Variants in SLC5A1 observed in about 807,000 individuals in gnomAD.
SLC5A1 encodes the protein sodium/glucose cotransporter 1.
SLC5A1 carries 42 observed loss-of-function variants against 73.5 expected under a neutral mutation model. The observed-to-expected ratio is 0.57, with a 90% CI of 0.45 to 0.74. SLC5A1 has a LOEUF of 0.74. Ranked by LOEUF, SLC5A1 falls within the 30% of genes least tolerant of loss-of-function variation. SLC5A1 has a pLI of 0.00. For missense variants in SLC5A1, 634 were observed against 855.4 expected, an observed-to-expected ratio of 0.74 and a Z score of 3.23; for synonymous variants, 300 against 317.4, an observed-to-expected ratio of 0.95 and a Z score of 0.58.
chr22:32,083,977 G>C (rs2094003976), intron 7 of SLC5A1, among the ~76,000 whole-genome samples: 1 of 152,216 alleles, frequency 6.6e-6, no homozygotes, highest in South Asian at 2.1e-4. Flanking sequence ...CCCACCACAT[G>C]CTGGGTCCAG....
At chr22:32,077,207 T>C (rs1246654915) in intron 5 of SLC5A1, among the ~76,000 whole-genome samples, 2 of 151,666 alleles carry the variant, frequency 1.3e-5, no homozygotes, top group Admixed American at 6.6e-5. Flanking sequence ...CCTTTCCCTC[T>C]TTCCTTCCTT....
intron 2 of SLC5A1, among the ~76,000 whole-genome samples, chr22:32,062,083 G>C (rs2093964082): frequency 6.6e-6 from 1 of 152,168 alleles, no homozygotes; most frequent in African/African-American, 2.4e-5. Context: ...GGTGGAAGCA[G>C]GACTGATGGG....
chr22:32,103,436 T>A, intron 13 of SLC5A1, among the ~76,000 whole-genome samples: 1 of 152,338 alleles, frequency 6.6e-6, no homozygotes, highest in Middle Eastern at 3.4e-3. Context: ...GGAAACATGG[T>A]GTGCCAACAG....
Position 32,091,673 on chromosome 22 carries a change from C to A in SLC5A1, c.1191C>A (p.Ile397=). The change falls in exon 11 of 15, where the codon ATC becomes ATA. Residue 397 remains isoleucine (I), a synonymous_variant. Transcript: ENST00000266088. The part of the protein sequence containing the change: ...LASLMSSLTS[I]FNSASTLFTM... The stretch of plus-strand genomic sequence containing the variant: ...CCCTCATGAGCTCCCTGACCTCCAT[C>A]TTCAACAGCGCCAGCACCCTCTTCA... 1 of 1,614,168 alleles carries A rather than the reference C, an allele frequency of 6.2e-7. No individual in the cohort carries two copies. The highest frequency in any genetic ancestry group is 8.5e-7 in the Non-Finnish European group (1 of 1,180,022).
At chr22:32,068,084 C>A (rs2093977019) in intron 4 of SLC5A1, 58 bp downstream of exon 4, 1 of 1,523,544 alleles carries the variant, frequency 6.6e-7, no homozygotes, top group Non-Finnish European at 9.1e-7. Flanking sequence ...TCAGCTTGGT[C>A]TTCCTAGAGG....
At position 32,059,046 on chromosome 22, in the gene SLC5A1, A is replaced by C. The variant is rs554033942; in HGVS notation, c.208-7889A>C. The C allele has an allele frequency of 5.3e-6, 5 of 936,600 alleles. No homozygotes were observed. In the East Asian group the frequency reaches 5.8e-4, roughly 109 times the overall value. The allele number at this position is 936,600 out of a possible 1,614,324, so 58.0% of individuals were successfully genotyped here. A position where few individuals can be genotyped will look rare whatever the true frequency, so the allele number is the denominator to read the frequency against. On this transcript the variant is annotated intron_variant, in intron 2 of 14. Transcript: ENST00000266088. Reference sequence around the variant, plus strand: ...TCACTTACTCACTCAGCAGATCTTTACTGAGTCCTTGCCATGTGCAAAGAA... The same window carrying C: ...TCACTTACTCACTCAGCAGATCTTTCCTGAGTCCTTGCCATGTGCAAAGAA...
In SLC5A1 at chr22:32,084,959, C is replaced by G. The variant is rs1425935666; in HGVS notation, c.945C>G (p.Ile315Met). The G allele has an allele frequency of 1.2e-6, 2 of 1,614,182 alleles. No homozygotes were observed. The highest frequency in any genetic ancestry group is 2.2e-5 in the South Asian group (2 of 91,086). The change falls in exon 9 of 15, where the codon ATC becomes ATG. Residue 315 changes from isoleucine to methionine, a missense_variant. Coordinates refer to ENST00000266088, the MANE Select transcript of SLC5A1 (RefSeq NM_000343.4). ...KNMSHVKGGC[I>M]LCGYLKLMPM... ...TGTCTCACGTGAAGGGTGGCTGCAT[C>G]CTGTGTGGGTATCTAAAGCTGATGC...
At chr22:32,074,024 A>C (rs2093986913) in intron 5 of SLC5A1, among the ~76,000 whole-genome samples, 1 of 152,054 alleles carries the variant, frequency 6.6e-6, no homozygotes, top group Admixed American at 6.5e-5. Flanking sequence ...GAGAAAAGGG[A>C]ATGTGAGCAG....
intron 2 of SLC5A1, among the ~76,000 whole-genome samples, chr22:32,062,441 C>A (rs2093964747): frequency 6.6e-6 from 1 of 152,202 alleles, no homozygotes; most frequent in Non-Finnish European, 1.5e-5. Context: ...AATTCTCATG[C>A]TCTCAGACCT....
At position 32,091,757 on chromosome 22, in the gene SLC5A1, C is replaced by T. The variant is rs17683448; in HGVS notation, c.1275C>T (p.Ala425=). The change falls in exon 11 of 15, where the codon GCC becomes GCT. Residue 425 remains alanine, a synonymous_variant. Transcript: ENST00000266088. ...KRASEKELMI[A]GRLFILVLIG... ...CATCTGAGAAAGAGCTCATGATTGC[C>T]GGAAGGTAAATGCAGCTTCCCCCAA... 0.066 allele frequency: 105,748 copies of T among 1,612,790 alleles called. 3,957 individuals are homozygous for T. Among genetic ancestry groups the T allele is most frequent in the Non-Finnish European group, 0.077 (90,459 of 1,179,078 alleles).
chr22:32,047,242 G>C (rs1234444743), intron 1 of SLC5A1, among the ~76,000 whole-genome samples: 1 of 152,080 alleles, frequency 6.6e-6, no homozygotes, highest in African/African-American at 2.4e-5. Context: ...GAAAATTCCA[G>C]AGAAGAAAAG....
intron 2 of SLC5A1, among the ~76,000 whole-genome samples, chr22:32,059,824 C>T (rs566801189): frequency 2.6e-5 from 4 of 152,128 alleles, no homozygotes; most frequent in Middle Eastern, 3.4e-3. Context: ...GATTTCCAGT[C>T]GAAATATCTT....
rs752103548 is a variant in SLC5A1, at chr22:32,068,536, GCCAGCGGAT to G, written c.418_426del (p.Arg140_Gln142del). On this transcript the variant is annotated inframe_deletion, in exon 5 of 15. Coordinates refer to ENST00000266088, the MANE Select transcript of SLC5A1 (RefSeq NM_000343.4). Reference sequence around the variant, plus strand: ...GAGTACCTGAGGAAGCGGTTTGGAGGCCAGCGGATCCAGGTCTACCTTTCCCTTCTGTCC... The same window carrying G: ...GAGTACCTGAGGAAGCGGTTTGGAGGCCAGGTCTACCTTTCCCTTCTGTCC... 6.2e-7 allele frequency: 1 copy of G among 1,614,020 alleles called. No individual in the cohort carries two copies. Among genetic ancestry groups the G allele is most frequent in the Non-Finnish European group, 8.5e-7 (1 of 1,179,982 alleles).
intron 11 of SLC5A1, among the ~76,000 whole-genome samples, chr22:32,097,610 T>C (rs776563848): frequency 1.3e-5 from 2 of 152,154 alleles, no homozygotes; most frequent in Non-Finnish European, 2.9e-5. Context: ...TCATCTTGTG[T>C]AGTGTTTTTA....
Position 32,083,174 on chromosome 22 carries a change from G to A in SLC5A1, c.664+20G>A, listed in dbSNP as rs200850447. 5.6e-6 allele frequency: 9 copies of A among 1,607,960 alleles called. No homozygotes were observed. The highest frequency in any genetic ancestry group is 7.7e-6 in the Non-Finnish European group (9 of 1,174,694). ...GGTTTGGTAAGTGGGGCCAGGGCAG[G>A]CTGAGGAGGTGGGAGCAGAGGTAGA... On this transcript the variant is annotated intron_variant, in intron 7 of 14. Coordinates refer to ENST00000266088, the MANE Select transcript of SLC5A1 (RefSeq NM_000343.4).
rs924187737 is a variant in SLC5A1, at chr22:32,043,826, T to C, written c.135+410T>C. On this transcript the variant is annotated intron_variant, in intron 1 of 14. Transcript: ENST00000266088. This position sits in a 1 kb window ranked among gnomAD's most constrained non-coding sequence, Gnocchi z 6.5. Reference sequence around the variant, plus strand: ...CATCCAGTTTCAGATGGGAAAGAAATGGTGTGGAGTGGGAAAGCCACAGCC... The same window carrying C: ...CATCCAGTTTCAGATGGGAAAGAAACGGTGTGGAGTGGGAAAGCCACAGCC... Among the ~76,000 whole-genome samples, 1 of 152,080 alleles carries C rather than the reference T, an allele frequency of 6.6e-6. No homozygotes were observed. The highest frequency in any genetic ancestry group is 2.1e-4 in the South Asian group (1 of 4,810).
intron 11 of SLC5A1, among the ~76,000 whole-genome samples, 185 bp downstream of exon 11, chr22:32,091,947 TA>T (rs1467222001): frequency 1.3e-5 from 2 of 152,202 alleles, no homozygotes; most frequent in African/African-American, 4.8e-5. Flanking sequence ...TTATTATTTT[TA>T]AATTTTTTAT....
At chr22:32,054,540 G>A (rs1156962511) in intron 2 of SLC5A1, among the ~76,000 whole-genome samples, 1 of 152,186 alleles carries the variant, frequency 6.6e-6, no homozygotes, top group East Asian at 1.9e-4. Context: ...GAAGGAGCCA[G>A]CCATGTGAAG....
intron 2 of SLC5A1, among the ~76,000 whole-genome samples, chr22:32,058,105 TACAC>T (rs144850068): frequency 6.6e-6 from 1 of 150,648 alleles, no homozygotes; most frequent in Non-Finnish European, 1.5e-5. Flanking sequence ...TATACACAGG[TACAC>T]ACACACACAC....
Sources: gnomAD v4.1 joint callset for allele counts (sites outside exome capture counted in the v4.1 genomes callset) on GRCh38, gnomAD v4.1.1 for gene constraint, Gnocchi (gnomAD v3.1) non-coding constraint, MANE v1.5 for transcripts, NCBI Gene and HGNC (gene_info 2026-07-23, HGNC 2026-07-21) for gene names.